The following NTNG1 variants were observed in gnomAD, a reference collection of about 807,000 sequenced individuals.
The protein encoded by NTNG1 is netrin G1.
NTNG1 carries 16 observed loss-of-function variants against 54.0 expected under a neutral mutation model. The ratio of observed to expected loss-of-function variants is 0.30; its 90% CI spans 0.20 to 0.45. NTNG1 has a LOEUF of 0.45. Ranked by LOEUF, NTNG1 falls within the 20% of genes least tolerant of loss-of-function variation. NTNG1 has a pLI of 1.00. For synonymous variants in NTNG1, 255 were observed against 263.1 expected, an observed-to-expected ratio of 0.97 and a Z score of 0.30; for missense variants, 530 against 678.7, an observed-to-expected ratio of 0.78 and a Z score of 2.43.
chr1:107,146,372 CT>C (rs1166604176), intron 1 of NTNG1, among the ~76,000 whole-genome samples: 8 of 152,020 alleles, frequency 5.3e-5, no homozygotes, highest in Non-Finnish European at 1.0e-4. Context: ...AAAAATTCAT[CT>C]CAAAAATGTA....
At chr1:107,202,900 T>C (rs1658866987) in intron 2 of NTNG1, among the ~76,000 whole-genome samples, 1 of 151,936 alleles carries the variant, frequency 6.6e-6, no homozygotes, top group South Asian at 2.1e-4. Context: ...ATAGAGTATG[T>C]AATATTTTGA....
chr1:107,361,941 A>G (rs558133395), intron 3 of NTNG1, among the ~76,000 whole-genome samples: 3 of 152,288 alleles, frequency 2.0e-5, no homozygotes, highest in South Asian at 4.1e-4. Flanking sequence ...GACAGGGTCC[A>G]TGGAGTACTC....
intron 2 of NTNG1, among the ~76,000 whole-genome samples, chr1:107,190,279 A>C (rs1359457435): frequency 6.6e-6 from 1 of 152,140 alleles, no homozygotes; most frequent in Non-Finnish European, 1.5e-5. Context: ...ATTCCACTGA[A>C]TTGCACACTT....
chr1:107,384,414 A>G (rs1671837981), intron 3 of NTNG1, among the ~76,000 whole-genome samples: 1 of 152,104 alleles, frequency 6.6e-6, no homozygotes, highest in Non-Finnish European at 1.5e-5. Context: ...TGTTCCATCA[A>G]CTTCTGGGGC....
intron 2 of NTNG1, among the ~76,000 whole-genome samples, chr1:107,166,425 A>G (rs4492651): frequency 0.71 from 108,129 of 152,010 alleles, 39,670 homozygotes; most frequent in East Asian, 0.82. Context: ...ACTTCGCTTC[A>G]TCTCTCTATA....
chr1:107,236,908 T>C (rs1661446110), intron 2 of NTNG1, among the ~76,000 whole-genome samples: 1 of 152,322 alleles, frequency 6.6e-6, no homozygotes, highest in South Asian at 2.1e-4. Context: ...GGTATGTCTT[T>C]ATCAGCAATG....
intron 2 of NTNG1, among the ~76,000 whole-genome samples, chr1:107,231,340 A>C (rs549804803): frequency 2.9e-4 from 44 of 152,288 alleles, no homozygotes; most frequent in African/African-American, 9.9e-4. Flanking sequence ...GTCTTGAGTT[A>C]CAGAGGACAA....
intron 7 of NTNG1, among the ~76,000 whole-genome samples, chr1:107,466,902 G>A (rs950257989): frequency 6.6e-6 from 1 of 152,102 alleles, no homozygotes; most frequent in South Asian, 2.1e-4. Context: ...CTGCATGCCC[G>A]TAATGACTTA....
At chr1:107,436,050 G>A (rs181566133) in intron 6 of NTNG1, among the ~76,000 whole-genome samples, 1 of 152,042 alleles carries the variant, frequency 6.6e-6, no homozygotes, top group African/African-American at 2.4e-5. Context: ...AAATTATTTG[G>A]GGTTACAAAG....
At chr1:107,189,723 C>T (rs988152338) in intron 2 of NTNG1, among the ~76,000 whole-genome samples, 11 of 151,106 alleles carry the variant, frequency 7.3e-5, no homozygotes, top group Middle Eastern at 3.5e-3. Context: ...TCACCCTGGA[C>T]GACAAATAGT....
At chr1:107,415,833 G>T (rs1427119835) in intron 5 of NTNG1, among the ~76,000 whole-genome samples, 1 of 152,070 alleles carries the variant, frequency 6.6e-6, no homozygotes, top group Non-Finnish European at 1.5e-5. Context: ...TGATAAGATA[G>T]AATTGCTCTC....
chr1:107,374,444 A>G (rs1242950222), intron 3 of NTNG1, among the ~76,000 whole-genome samples: 1 of 151,866 alleles, frequency 6.6e-6, no homozygotes, highest in East Asian at 1.9e-4. Flanking sequence ...TATCTTCTCT[A>G]TGTTTCATTT....
At chr1:107,331,126 C>T (rs917869016) in intron 3 of NTNG1, among the ~76,000 whole-genome samples, 1 of 152,046 alleles carries the variant, frequency 6.6e-6, no homozygotes, top group East Asian at 1.9e-4. Flanking sequence ...GTGACTTTTT[C>T]TTTAACGTCA....
intron 2 of NTNG1, among the ~76,000 whole-genome samples, chr1:107,309,231 C>T (rs1666863318): frequency 6.6e-6 from 1 of 152,130 alleles, no homozygotes; most frequent in South Asian, 2.1e-4. Flanking sequence ...AATAGAGTCA[C>T]CAACTCTAGG....
chr1:107,305,429 C>T (rs972734519), intron 2 of NTNG1, among the ~76,000 whole-genome samples: 1 of 152,206 alleles, frequency 6.6e-6, no homozygotes, highest in African/African-American at 2.4e-5. Flanking sequence ...GATTGCCATT[C>T]TAACTGGCCT....
At chr1:107,141,411 G>A (rs1653686000) in intron 1 of NTNG1, 1 of 149,986 alleles carries the variant, frequency 6.7e-6, no homozygotes, top group Non-Finnish European at 1.5e-5. Flanking sequence ...CCGCCGCCCC[G>A]CGCCGTCGGC....
chr1:107,209,523 C>G (rs897154320), intron 2 of NTNG1, among the ~76,000 whole-genome samples: 4 of 152,134 alleles, frequency 2.6e-5, no homozygotes, highest in Non-Finnish European at 4.4e-5. Context: ...CTTGGCTCAG[C>G]TCTCAGTTAT....
intron 2 of NTNG1, among the ~76,000 whole-genome samples, chr1:107,163,740 A>T (rs1464296958): frequency 6.6e-6 from 1 of 152,240 alleles, no homozygotes; most frequent in African/African-American, 2.4e-5. Flanking sequence ...ACTGCTTTAG[A>T]AATGTCTACG....
intron 4 of NTNG1, among the ~76,000 whole-genome samples, chr1:107,396,023 T>G (rs182480184): frequency 1.3e-5 from 2 of 152,200 alleles, no homozygotes; most frequent in Non-Finnish European, 2.9e-5. Context: ...TGATTCCCCA[T>G]AGGAAAACAG....
Sources: gnomAD v4.1 joint callset for allele counts (sites outside exome capture counted in the v4.1 genomes callset) on GRCh38, gnomAD v4.1.1 for gene constraint, MANE v1.5 for transcripts, NCBI Gene and HGNC (gene_info 2026-07-23, HGNC 2026-07-21) for gene names.